The following PPP2R5C variants were observed in gnomAD, a reference collection of about 807,000 sequenced individuals.
PPP2R5C encodes the protein protein phosphatase 2 regulatory subunit B'gamma, also known as serine/threonine-protein phosphatase 2A 56 kDa regulatory subunit gamma isoform.
A neutral mutation model predicts 68.9 loss-of-function variants in PPP2R5C; 7 were observed. The observed-to-expected ratio is 0.10, with a 90% CI of 0.06 to 0.19. The LOEUF (loss-of-function observed/expected upper bound fraction) is 0.19. PPP2R5C is among the 10% of genes least tolerant of loss of function. The probability of loss-of-function intolerance (pLI) is 1.00; values close to 1 mark genes in which losing one functional copy is unlikely to be tolerated. For missense variants in PPP2R5C, 348 were observed against 641.3 expected, an observed-to-expected ratio of 0.54 and a Z score of 4.94; for synonymous variants, 210 against 222.2, an observed-to-expected ratio of 0.95 and a Z score of 0.49.
intron 2 of PPP2R5C, chr14:101,765,069 G>A: frequency 4.5e-6 from 3 of 660,784 alleles, no homozygotes; most frequent in Admixed American, 2.3e-5. Flanking sequence ...TGTTTTGAAA[G>A]CAGTTTGCCA....
intron 1 of PPP2R5C, chr14:101,836,284 C>T: frequency 1.4e-6 from 1 of 702,796 alleles, no homozygotes; most frequent in South Asian, 1.5e-5. Flanking sequence ...AACCCCGCGG[C>T]CCCCAAAGCA....
chr14:101,919,985 A>AC (rs2046924488), intron 13 of PPP2R5C, among the ~76,000 whole-genome samples: 6 of 151,364 alleles, frequency 4.0e-5, no homozygotes, highest in Non-Finnish European at 8.8e-5. Flanking sequence ...AAAAAAAAAA[A>AC]AAAAAAACCA....
At chr14:101,807,138 T>C (rs2039110995), upstream of PPP2R5C, among the ~76,000 whole-genome samples, 1 of 151,916 alleles carries the variant, frequency 6.6e-6, no homozygotes, top group South Asian at 2.1e-4. Flanking sequence ...ATTTAACTGT[T>C]TAAGCCACGT....
intron 1 of PPP2R5C, chr14:101,823,614 A>G (rs192439618): frequency 4.5e-4 from 144 of 322,938 alleles, no homozygotes; most frequent in African/African-American, 2.9e-3. Context: ...GAGAGAGTAA[A>G]CAAGTATGAT....
intron 1 of PPP2R5C, among the ~76,000 whole-genome samples, chr14:101,852,493 G>A (rs1481839141): frequency 8.8e-6 from 1 of 114,092 alleles, no homozygotes; most frequent in Non-Finnish European, 1.7e-5. Flanking sequence ...TTTTGAGACA[G>A]AGTCTTGCTC....
chr14:101,815,414 G>A (rs1256360906), intron 1 of PPP2R5C, among the ~76,000 whole-genome samples: 1 of 152,096 alleles, frequency 6.6e-6, no homozygotes, highest in Non-Finnish European at 1.5e-5. Flanking sequence ...GTTTGTTAAA[G>A]GTTTACATGC....
At chr14:101,907,786 G>A (rs1482933246) in intron 10 of PPP2R5C, among the ~76,000 whole-genome samples, 3 of 152,122 alleles carry the variant, frequency 2.0e-5, no homozygotes, top group Admixed American at 6.6e-5. Flanking sequence ...TGCTGCCGGC[G>A]GACCAGCCCT....
intron 2 of PPP2R5C, among the ~76,000 whole-genome samples, chr14:101,772,293 A>G (rs4906142): frequency 0.18 from 27,666 of 151,782 alleles, 3,389 homozygotes; most frequent in African/African-American, 0.34. Context: ...TGGTGAGACG[A>G]GAGGGAGGCC....
rs375854731 is a variant in PPP2R5C at position 101,906,267 on chromosome 14, T to G, written c.1024-135T>G. On this transcript the variant is annotated intron_variant, in intron 9 of 13. Transcript: ENST00000334743. This position sits in a 1 kb window ranked among gnomAD's most constrained non-coding sequence, Gnocchi z 4.0. ...GGGTTACAGGTTACAGTCTAGAATA[T>G]TTTGAATTTGTAGAAATAATCATAA... is the stretch of plus-strand genomic sequence containing the variant. 2,074 of 1,019,210 alleles carry G rather than the reference T, an allele frequency of 2.0e-3. 50 individuals carry two copies. In the South Asian group the frequency reaches 0.033, roughly 16 times the overall value. 63.1% of individuals were successfully genotyped at this position (1,019,210 alleles called of 1,614,324 possible). A position where few individuals can be genotyped will look rare whatever the true frequency, so the allele number is the denominator to read the frequency against.
At chr14:101,820,074 G>A (rs2039959803) in intron 1 of PPP2R5C, 1 of 152,130 alleles carries the variant, frequency 6.6e-6, no homozygotes, top group Admixed American at 6.5e-5. Context: ...TAAATTATGA[G>A]AATAGTAATG....
At chr14:101,813,264 G>A (rs562266209) in intron 1 of PPP2R5C, among the ~76,000 whole-genome samples, 6 of 152,328 alleles carry the variant, frequency 3.9e-5, no homozygotes, top group South Asian at 4.1e-4. Context: ...GGAATTGTTC[G>A]ACTTTTTTGG....
At chr14:101,812,661 T>C (rs1203375151) in intron 1 of PPP2R5C, among the ~76,000 whole-genome samples, 1 of 152,272 alleles carries the variant, frequency 6.6e-6, no homozygotes, top group Non-Finnish European at 1.5e-5. Context: ...TTTGGCTCGG[T>C]AGCCTCTTTT....
chr14:101,922,656 GAAAA>G (rs60017998), intron 13 of PPP2R5C, among the ~76,000 whole-genome samples: 1 of 128,904 alleles, frequency 7.8e-6, no homozygotes, highest in East Asian at 2.2e-4. Context: ...TCTAGAAAAA[GAAAA>G]AAAAAAAAAA....
chr14:101,924,459 A>ATTTTT (rs2047187050), intron 13 of PPP2R5C, among the ~76,000 whole-genome samples: 1 of 42,414 alleles, frequency 2.4e-5, no homozygotes, highest in Non-Finnish European at 5.0e-5. Flanking sequence ...TTTTTTTTTG[A>ATTTTT]GATGGAGTCT....
chr14:101,808,404 C>G (rs952092929), upstream of PPP2R5C, among the ~76,000 whole-genome samples: 1 of 152,122 alleles, frequency 6.6e-6, no homozygotes, highest in Admixed American at 6.5e-5. Context: ...ATCTCCTGGC[C>G]GGCCATGGAA....
intron 2 of PPP2R5C, among the ~76,000 whole-genome samples, chr14:101,866,640 A>C (rs906723300): frequency 6.6e-6 from 1 of 152,156 alleles, no homozygotes; most frequent in Non-Finnish European, 1.5e-5. Flanking sequence ...ACTGTGCTCC[A>C]ACCTGACGGA....
chr14:101,901,832 G>T, exon 9 of PPP2R5C: 1 of 1,614,220 alleles, frequency 6.2e-7, no homozygotes, highest in East Asian at 2.2e-5. Flanking sequence ...AATTTGTGAA[G>T]ATCATGGAAC....
rs1198299577 is a variant in PPP2R5C at position 101,781,803 on chromosome 14, G to T, written c.94-4215G>T. The stretch of plus-strand genomic sequence containing the variant: ...CTCTGCTTGGCCGCCCGCGAACCGC[G>T]CTCTCCCGTTTCCTTTCCGTCCCGT... On this transcript the variant is annotated intron_variant, in intron 2 of 14. Transcript: ENST00000328724. This position sits in a 1 kb window ranked among gnomAD's most constrained non-coding sequence, Gnocchi z 6.4. 2.0e-5 allele frequency among the ~76,000 whole-genome samples: 3 copies of T among 151,766 alleles called. No homozygotes were observed. Among genetic ancestry groups the T allele is most frequent in the Non-Finnish European group, 4.4e-5 (3 of 67,892 alleles).
At chr14:101,776,414 T>G (rs775879926) in intron 2 of PPP2R5C, among the ~76,000 whole-genome samples, 3 of 152,140 alleles carry the variant, frequency 2.0e-5, no homozygotes, top group Non-Finnish European at 4.4e-5. Flanking sequence ...TCTTATCATT[T>G]TAAGATAGAT....
Sources: allele counts gnomAD v4.1 joint callset (sites outside exome capture counted in the v4.1 genomes callset), GRCh38; gene constraint gnomAD v4.1.1; non-coding constraint Gnocchi (gnomAD v3.1); transcripts MANE v1.5; gene names NCBI Gene and HGNC (gene_info 2026-07-23, HGNC 2026-07-21).